The following EIF4B variants were observed in gnomAD, a reference collection of about 807,000 sequenced individuals.
The protein encoded by EIF4B is eukaryotic translation initiation factor 4B.
In EIF4B, 8 loss-of-function variants were observed where a neutral mutation model predicts 79.3. That is an observed-to-expected ratio of 0.10 (90% confidence interval 0.06 to 0.18). The LOEUF is 0.18. Ranked by LOEUF, EIF4B falls within the 10% of genes least tolerant of loss-of-function variation. The probability of loss-of-function intolerance (pLI) is 1.00; values close to 1 mark genes in which losing one functional copy is unlikely to be tolerated. For missense variants in EIF4B, 515 were observed against 792.4 expected (o/e 0.65, Z 4.20); for synonymous variants, 238 against 274.7 (o/e 0.87, Z 1.32).
At chr12:53,006,971 C>T (rs1428418106) in intron 1 of EIF4B, among the ~76,000 whole-genome samples, 1 of 130,034 alleles carries the variant, frequency 7.7e-6, no homozygotes, top group Non-Finnish European at 1.6e-5. Context: ...GCAGTTGGAA[C>T]GCGAGCGCGA....
At chr12:53,020,988 G>T (rs1546697) in intron 4 of EIF4B, among the ~76,000 whole-genome samples, 126,075 of 152,082 alleles carry the variant, frequency 0.83, 53,979 homozygotes, top group East Asian at 0.97. Flanking sequence ...GTGGTCCATA[G>T]TTAAGAGTTA....
Position 53,041,019 on chromosome 12 carries a change from AGTGTTTTCT to A in EIF4B, c.*801_*809del. 6.6e-6 allele frequency: 1 copy of A among 152,210 alleles called. No homozygotes were observed. The highest frequency in any genetic ancestry group is 6.5e-5 in the Admixed American group (1 of 15,284). 9.4% of individuals were successfully genotyped at this position (152,210 alleles called of 1,614,324 possible). On this transcript the variant is annotated 3_prime_UTR_variant, in exon 15 of 15. Transcript: ENST00000262056. ...GCACTTGGGGGTCGTGGTAATTCCC[AGTGTTTTCT>A]GTGTCCTAGTTTTACCCTTTCTAAA...
At position 53,006,539 on chromosome 12, in the gene EIF4B, C is replaced by G; in HGVS notation, c.13+43C>G. 1.9e-6 allele frequency: 3 copies of G among 1,612,930 alleles called. No individual in the cohort carries two copies. The South Asian group carries it at 3.3e-5, about 18-fold the overall frequency. ...CGCGGCCAAGGACTGGGCTCTGAAA[C>G]CCCCCTCCGAGCGTGATCCACTGAT... On this transcript the variant is annotated intron_variant, in intron 1 of 14. Transcript: ENST00000262056.
rs1943641555 is a variant in EIF4B at position 53,041,684 on chromosome 12, C to T, written c.*1461C>T. ...ACACCTTGATCTTGGTTTGCAAGCCCTTCTCCCATCAGTCCTAGATTAGGC... is the reference window on the plus strand; with the variant it reads ...ACACCTTGATCTTGGTTTGCAAGCCTTTCTCCCATCAGTCCTAGATTAGGC... On this transcript the variant is annotated 3_prime_UTR_variant, in exon 15 of 15. Coordinates refer to ENST00000262056, the MANE Select transcript of EIF4B (RefSeq NM_001417.7). The T allele has an allele frequency of 6.6e-6, 1 of 152,142 alleles. No individual in the cohort carries two copies. Among genetic ancestry groups the T allele is most frequent in the Admixed American group, 6.5e-5 (1 of 15,268 alleles). 9.4% of individuals were successfully genotyped at this position (152,142 alleles called of 1,614,324 possible). A position where few individuals can be genotyped will look rare whatever the true frequency, so the allele number is the denominator to read the frequency against.
intron 14 of EIF4B, 95 bp downstream of exon 14, chr12:53,039,797 A>G (rs1344413700): frequency 2.1e-6 from 3 of 1,395,766 alleles, no homozygotes; most frequent in African/African-American, 2.9e-5. Context: ...TTAGTATTCT[A>G]AACTTTTTGC....
Position 53,034,005 on chromosome 12 carries a change from G to C in EIF4B, c.1179G>C (p.Glu393Asp). 6.2e-7 allele frequency: 1 copy of C among 1,613,312 alleles called. No individual in the cohort carries two copies. Among genetic ancestry groups the C allele is most frequent in the South Asian group, 1.1e-5 (1 of 90,932 alleles). The change falls in exon 9 of 15, where the codon GAG (glutamate) becomes GAC (aspartate). Residue 393 changes from glutamate (E) to aspartate (D), a missense_variant. Transcript: ENST00000262056. Reference protein sequence around the residue: ...EQEKLQRQLDEPKLERRPRER... With the variant: ...EQEKLQRQLDDPKLERRPRER... Reference sequence around the variant, plus strand: ...AGAAGTTGCAGCGTCAGCTGGATGAGCCAAAACTAGAACGACGGCCTCGGG... The same window carrying C: ...AGAAGTTGCAGCGTCAGCTGGATGACCCAAAACTAGAACGACGGCCTCGGG...
chr12:53,032,345 G>A (rs1306542628), intron 8 of EIF4B, among the ~76,000 whole-genome samples: 1 of 152,176 alleles, frequency 6.6e-6, no homozygotes, highest in Non-Finnish European at 1.5e-5. Flanking sequence ...AGGAAGCTGA[G>A]GCAGGAAAAT....
intron 8 of EIF4B, 94 bp from the exon 9 acceptor site, chr12:53,033,712 A>T: frequency 1.5e-6 from 2 of 1,323,666 alleles, no homozygotes; most frequent in Non-Finnish European, 2.1e-6. Flanking sequence ...AATCTCATGT[A>T]GCATTTCATA....
intron 8 of EIF4B, among the ~76,000 whole-genome samples, chr12:53,029,138 G>A (rs941753392): frequency 1.3e-5 from 2 of 150,468 alleles, no homozygotes; most frequent in African/African-American, 4.9e-5. Flanking sequence ...AAAAAGGATT[G>A]CTTTCTGTAC....
chr12:53,018,383 T>C (rs7959824), intron 2 of EIF4B, among the ~76,000 whole-genome samples: 122,466 of 152,108 alleles, frequency 0.81, 51,383 homozygotes, highest in Non-Finnish European at 0.93. Flanking sequence ...TGGTTAAATA[T>C]ACCTGGAGTA....
intron 6 of EIF4B, among the ~76,000 whole-genome samples, chr12:53,023,578 A>T (rs1259469371): frequency 1.6e-4 from 17 of 109,216 alleles, no homozygotes; most frequent in East Asian, 5.8e-4. Flanking sequence ...AAAATGTAAA[A>T]TTTTTTTTTT....
intron 9 of EIF4B, among the ~76,000 whole-genome samples, 189 bp downstream of exon 9, chr12:53,034,223 A>G (rs1304593030): frequency 6.6e-6 from 1 of 152,184 alleles, no homozygotes; most frequent in Non-Finnish European, 1.5e-5. Flanking sequence ...CACAATGAAG[A>G]GTTGTTCCCT....
intron 3 of EIF4B, 124 bp downstream of exon 3, chr12:53,019,130 G>A (rs1296532421): frequency 8.4e-7 from 1 of 1,183,528 alleles, no homozygotes; most frequent in Non-Finnish European, 1.2e-6. Context: ...CGGGAATGGT[G>A]GCTCACGCCT....
rs773860542 is a variant in EIF4B, at chr12:53,041,126, AT to A, written c.*904del. ...CTTGAAACTAAAAATTTAGACTCTT[AT>A]CATCATCTTAAGTTCTTCATGCTAC... On this transcript the variant is annotated 3_prime_UTR_variant, in exon 15 of 15. Transcript: ENST00000262056. 3.3e-5 allele frequency: 5 copies of A among 152,172 alleles called. No homozygotes were observed. Among genetic ancestry groups the A allele is most frequent in the Admixed American group, 6.5e-5 (1 of 15,280 alleles). The allele number at this position is 152,172 out of a possible 1,614,324, so 9.4% of individuals were successfully genotyped here. A position where few individuals can be genotyped will look rare whatever the true frequency, so the allele number is the denominator to read the frequency against.
At chr12:53,038,025 A>G in intron 11 of EIF4B, 1 of 265,444 alleles carries the variant, frequency 3.8e-6, no homozygotes, top group Non-Finnish European at 7.2e-6. Context: ...CGGGAGGCTG[A>G]GGCAGGAGAA....
chr12:53,037,837 G>A (rs1358850811), intron 11 of EIF4B: 3 of 598,224 alleles, frequency 5.0e-6, no homozygotes, highest in Non-Finnish European at 9.0e-6. Context: ...GCTATGATGG[G>A]AGTACTAATG....
intron 10 of EIF4B, among the ~76,000 whole-genome samples, chr12:53,036,376 TGCTGGGATTACGG>T (rs1199638959): frequency 2.0e-5 from 3 of 152,182 alleles, no homozygotes; most frequent in Non-Finnish European, 4.4e-5. Flanking sequence ...CCTCCCAAAG[TGCTGGGATTACGG>T]GCGTGAGCCG....
chr12:53,033,387 G>A (rs1444804778), intron 8 of EIF4B, among the ~76,000 whole-genome samples: 3 of 144,724 alleles, frequency 2.1e-5, no homozygotes, highest in East Asian at 4.3e-4. Context: ...TCTGTCACCA[G>A]GCTGAAGTGC....
chr12:53,035,520 C>T (rs1385197325), intron 10 of EIF4B, among the ~76,000 whole-genome samples: 2 of 151,966 alleles, frequency 1.3e-5, no homozygotes, highest in African/African-American at 4.8e-5. Flanking sequence ...AGGTGCCCAC[C>T]ACCACACCCA....
Sources: gnomAD v4.1 joint callset for allele counts (sites outside exome capture counted in the v4.1 genomes callset) on GRCh38, gnomAD v4.1.1 for gene constraint, MANE v1.5 for transcripts, NCBI Gene and HGNC (gene_info 2026-07-23, HGNC 2026-07-21) for gene names.